The following RYR2 variants were observed in gnomAD, a reference collection of about 807,000 sequenced individuals.
The protein encoded by RYR2 is cardiac muscle ryanodine receptor-calcium release channel.
Under a neutral mutation model 601.1 loss-of-function variants are expected in RYR2, and 227 were observed. The ratio of observed to expected loss-of-function variants is 0.38; its 90% confidence interval spans 0.34 to 0.42. RYR2 has a LOEUF of 0.42. Among genes scored for constraint, RYR2 ranks in the 10% least tolerant of loss-of-function variants. The pLI is 1.00. For missense variants in RYR2, 4,646 were observed against 6,156.5 expected, an observed-to-expected ratio of 0.75 and a Z score of 8.21; for synonymous variants, 2,223 against 2,175.1, an observed-to-expected ratio of 1.02 and a Z score of -0.61.
rs16835147 is a variant in RYR2 at position 237,334,765 on chromosome 1, C to T, written c.273+3783C>T. Among the ~76,000 whole-genome samples, 823 of 152,168 alleles carry T rather than the reference C, an allele frequency of 5.4e-3. 7 individuals carry two copies. Among genetic ancestry groups the T allele is most frequent in the African/African-American group, 0.019 (775 of 41,506 alleles). ...TTTTCTGTGGTTCTGGATAACTTGT[C>T]GCTTGCAGATCTACCTCTGTATTGC... On this transcript the variant is annotated intron_variant, in intron 3 of 104. Transcript: ENST00000366574.
chr1:237,148,527 A>AC (rs1158996552), intron 1 of RYR2, among the ~76,000 whole-genome samples: 1 of 83,916 alleles, frequency 1.2e-5, no homozygotes, highest in African/African-American at 4.3e-5. Flanking sequence ...AAAAAAAAAA[A>AC]ATATATATAT....
At chr1:237,452,055 G>A (rs1658205676) in intron 14 of RYR2, among the ~76,000 whole-genome samples, 1 of 104,010 alleles carries the variant, frequency 9.6e-6, no homozygotes, top group East Asian at 3.8e-4. Flanking sequence ...TTTGGCCTGG[G>A]GTGGGGAATA....
intron 35 of RYR2, among the ~76,000 whole-genome samples, chr1:237,603,721 A>G (rs1174476880): frequency 6.6e-6 from 1 of 152,184 alleles, no homozygotes; most frequent in African/African-American, 2.4e-5. Context: ...AAATAAAGGG[A>G]TGGAGGAAGA....
intron 25 of RYR2, among the ~76,000 whole-genome samples, chr1:237,532,620 A>T (rs1668245595): frequency 6.6e-6 from 1 of 152,078 alleles, no homozygotes; most frequent in Admixed American, 6.6e-5. Context: ...AAAAACAACA[A>T]CCTAGTAATT....
chr1:237,088,997 C>A (rs561806958), intron 1 of RYR2, among the ~76,000 whole-genome samples: 1 of 152,350 alleles, frequency 6.6e-6, no homozygotes, highest in East Asian at 1.9e-4. Context: ...ACCAAACCCA[C>A]ATGGGTCCCA....
chr1:237,521,847 C>T (rs1040370617), intron 24 of RYR2, among the ~76,000 whole-genome samples: 12 of 152,076 alleles, frequency 7.9e-5, no homozygotes, highest in African/African-American at 2.9e-4. Context: ...CCCCTCTCAC[C>T]AGCCTCATTA....
At chr1:237,181,071 C>T (rs985664974) in intron 1 of RYR2, among the ~76,000 whole-genome samples, 1 of 151,976 alleles carries the variant, frequency 6.6e-6, no homozygotes, top group Non-Finnish European at 1.5e-5. Context: ...GCAACCTCCA[C>T]CTCCCGGGTT....
intron 1 of RYR2, among the ~76,000 whole-genome samples, chr1:237,220,513 G>A (rs999090641): frequency 6.6e-6 from 1 of 152,118 alleles, no homozygotes; most frequent in East Asian, 1.9e-4. Flanking sequence ...CCTGTCGTAG[G>A]ACTTCTCTGC....
At chr1:237,163,690 A>G (rs1173908181) in intron 1 of RYR2, among the ~76,000 whole-genome samples, 1 of 152,108 alleles carries the variant, frequency 6.6e-6, no homozygotes, top group Non-Finnish European at 1.5e-5. Context: ...CGGAAGAGGG[A>G]GTGGAAATAC....
chr1:237,360,298 G>C (rs1699671335), intron 4 of RYR2, among the ~76,000 whole-genome samples: 1 of 152,180 alleles, frequency 6.6e-6, no homozygotes, highest in South Asian at 2.1e-4. Flanking sequence ...TTTGCCCTCT[G>C]TAGAAATCAA....
chr1:237,701,532 A>G (rs1687969898), intron 65 of RYR2, among the ~76,000 whole-genome samples: 1 of 151,982 alleles, frequency 6.6e-6, no homozygotes, highest in Non-Finnish European at 1.5e-5. Context: ...CTATCTCAAA[A>G]AAAAAAAGCA....
chr1:237,614,501 C>T lies in RYR2; in HGVS notation c.5373C>T (p.Thr1791=), dbSNP rs765283048. 6.2e-7 allele frequency: 1 copy of T among 1,614,018 alleles called. No individual in the cohort carries two copies. The part of the protein sequence containing the change: ...EFPLDILKSK[T]IQMLTEAVKE... ...CACTGGACATCCTCAAGTCCAAAACCATACAGATGCTGACAGAAGCTGTTA... is the reference window on the plus strand; with the variant it reads ...CACTGGACATCCTCAAGTCCAAAACTATACAGATGCTGACAGAAGCTGTTA... Residue 1791 remains threonine (T), a synonymous_variant, in exon 37 of 105, where the codon ACC becomes ACT. Coordinates refer to ENST00000366574, the MANE Select transcript of RYR2 (RefSeq NM_001035.3). This position sits in a 1 kb window ranked among gnomAD's most constrained non-coding sequence, Gnocchi z 4.3.
intron 63 of RYR2, among the ~76,000 whole-genome samples, chr1:237,691,004 C>G (rs1230716660): frequency 6.6e-6 from 1 of 152,146 alleles, no homozygotes; most frequent in Admixed American, 6.6e-5. Flanking sequence ...TCATATTAAT[C>G]TATTCTTTTT....
intron 2 of RYR2, among the ~76,000 whole-genome samples, chr1:237,325,502 C>T (rs1038912087): frequency 6.6e-6 from 1 of 151,982 alleles, no homozygotes; most frequent in Non-Finnish European, 1.5e-5. Flanking sequence ...TCCTGGCTAA[C>T]ACGATGAAAC....
chr1:237,542,920 A>G (rs1669455007), intron 25 of RYR2, among the ~76,000 whole-genome samples: 1 of 152,076 alleles, frequency 6.6e-6, no homozygotes, highest in Non-Finnish European at 1.5e-5. Flanking sequence ...ACTTGGGCAG[A>G]AGGCTGGGGA....
intron 1 of RYR2, among the ~76,000 whole-genome samples, chr1:237,077,685 T>G (rs1665145390): frequency 6.7e-6 from 1 of 149,970 alleles, no homozygotes; most frequent in Admixed American, 6.7e-5. Context: ...TGGGAGACTT[T>G]AACACCCCAC....
At chr1:237,687,619 C>T (rs1686547366) in intron 63 of RYR2, 115 bp downstream of exon 63, 3 of 806,570 alleles carry the variant, frequency 3.7e-6, no homozygotes. Context: ...TGGCTGCATG[C>T]ATGGTCGTTG....
At chr1:237,506,162 C>CTT (rs35038087) in intron 22 of RYR2, among the ~76,000 whole-genome samples, 1 of 142,330 alleles carries the variant, frequency 7.0e-6, no homozygotes. Flanking sequence ...ACCAACACTC[C>CTT]TTTTTTTTTT....
intron 65 of RYR2, among the ~76,000 whole-genome samples, chr1:237,701,399 T>A (rs1157223001): frequency 6.6e-6 from 1 of 151,920 alleles, no homozygotes; most frequent in Non-Finnish European, 1.5e-5. Flanking sequence ...GGCATGATGG[T>A]GCACACCTGT....
Sources: allele counts gnomAD v4.1 joint callset (sites outside exome capture counted in the v4.1 genomes callset), GRCh38; gene constraint gnomAD v4.1.1; non-coding constraint Gnocchi (gnomAD v3.1); transcripts MANE v1.5; gene names NCBI Gene and HGNC (gene_info 2026-07-23, HGNC 2026-07-21).